Variants in AADACL4 observed in about 807,000 individuals in gnomAD.
AADACL4 encodes the protein arylacetamide deacetylase like 4.
In AADACL4, 9 loss-of-function variants were observed where a neutral mutation model predicts 14.1. The observed-to-expected ratio is 0.64, with a 90% CI of 0.39 to 1.12. The LOEUF is 1.12. AADACL4 is among the 50% of genes most tolerant of loss of function. The pLI is 0.01. For missense variants in AADACL4, 531 were observed against 516.1 expected, an observed-to-expected ratio of 1.03 and a Z score of -0.28; for synonymous variants, 188 against 201.6, an observed-to-expected ratio of 0.93 and a Z score of 0.57.
chr1:12,655,606 G>C (rs999465830), intron 2 of AADACL4, among the ~76,000 whole-genome samples: 1 of 151,856 alleles, frequency 6.6e-6, no homozygotes, highest in Non-Finnish European at 1.5e-5. Flanking sequence ...TGTTAGGCCC[G>C]TTTCACCAAC....
In AADACL4 at chr1:12,651,332, G is replaced by A; in HGVS notation, c.378G>A (p.Gly126=). Residue 126 remains glycine (G), a synonymous_variant, in exon 2 of 4, where the codon GGG becomes GGA. Coordinates refer to ENST00000376221, the MANE Select transcript of AADACL4 (RefSeq NM_001013630.2). ...IFYHGGATVF[G]SLDCYHGLCN... ...ACCATGGAGGGGCCACAGTATTTGGGAGCCTGGGTAAGGGGCTTCCCTGTG... is the reference window on the plus strand; with the variant it reads ...ACCATGGAGGGGCCACAGTATTTGGAAGCCTGGGTAAGGGGCTTCCCTGTG... The A allele has an allele frequency of 6.2e-7, 1 of 1,614,166 alleles. No individual in the cohort carries two copies.
At chr1:12,658,108 T>TTTCCTTTCTTCCTTCCTTCC (rs1647195250) in intron 2 of AADACL4, among the ~76,000 whole-genome samples, 1 of 122,010 alleles carries the variant, frequency 8.2e-6, no homozygotes, top group African/African-American at 4.0e-5. Flanking sequence ...TCTCTCTTTC[T>TTTCCTTTCTTCCTTCCTTCC]TTCCTTCCTT....
Position 12,666,810 on chromosome 1 carries a change from A to G in AADACL4, c.*75A>G. ...GAAACCGGGTGCTTTAGTGAGTTCT[A>G]TTTTATTGACTAAAGAGGTGCTACA... On this transcript the variant is annotated 3_prime_UTR_variant, in exon 4 of 4. Transcript: ENST00000376221. The G allele has an allele frequency of 1.4e-6, 2 of 1,416,938 alleles. No individual in the cohort carries two copies. The highest frequency in any genetic ancestry group is 1.9e-6 in the Non-Finnish European group (2 of 1,054,980). The allele number at this position is 1,416,938 out of a possible 1,614,324, so 87.8% of individuals were successfully genotyped here. A position where few individuals can be genotyped will look rare whatever the true frequency, so the allele number is the denominator to read the frequency against.
In AADACL4 at chr1:12,645,245, TCCTCCCTCCCTC is replaced by T. The variant is rs375922335; in HGVS notation, c.168+547_168+558del. On this transcript the variant is annotated intron_variant, in intron 1 of 3. Transcript: ENST00000376221. ...CTCCCTATCTCCTTTCTTCCTTCCC[TCCTCCCTCCCTC>T]CCTCCCTCCCTCCCTTCCTTCCTTG... Among the ~76,000 whole-genome samples the T allele has an allele frequency of 2.5e-3, 188 of 75,956 alleles. 5 individuals are homozygous for T. Among genetic ancestry groups the T allele is most frequent in the East Asian group, 0.014 (32 of 2,314 alleles). The allele number at this position is 75,956 out of a possible 152,430, so 49.8% of individuals were successfully genotyped here. A position where few individuals can be genotyped will look rare whatever the true frequency, so the allele number is the denominator to read the frequency against.
chr1:12,651,910 G>A lies in AADACL4; in HGVS notation c.385+571G>A, dbSNP rs1346127920. On this transcript the variant is annotated intron_variant, in intron 2 of 3. Coordinates refer to ENST00000376221, the MANE Select transcript of AADACL4 (RefSeq NM_001013630.2). ...GTGGCGTGATCTCGGCTCACTGCAA[G>A]CTGCGCCTCTCGGGTTCACGCCATT... Among the ~76,000 whole-genome samples the A allele has an allele frequency of 6.7e-5, 10 of 149,604 alleles. No individual in the cohort carries two copies. In the East Asian group the frequency reaches 1.6e-3, roughly 24 times the overall value.
intron 2 of AADACL4, among the ~76,000 whole-genome samples, chr1:12,655,371 G>C (rs1024935610): frequency 1.3e-5 from 2 of 152,060 alleles, no homozygotes; most frequent in African/African-American, 4.8e-5. Context: ...TGATGACCAT[G>C]ATTTTTGTGG....
intron 3 of AADACL4, among the ~76,000 whole-genome samples, chr1:12,664,192 T>C (rs1647273922): frequency 6.6e-6 from 1 of 152,184 alleles, no homozygotes; most frequent in Non-Finnish European, 1.5e-5. Flanking sequence ...GTTTATTTTA[T>C]ACAATGGGGC....
intron 2 of AADACL4, among the ~76,000 whole-genome samples, chr1:12,658,420 G>A (rs979185025): frequency 6.6e-6 from 1 of 151,964 alleles, no homozygotes; most frequent in African/African-American, 2.4e-5. Context: ...CACCACACCT[G>A]GATAATTTTT....
Position 12,666,278 on chromosome 1 carries a change from A to T in AADACL4, c.767A>T (p.Tyr256Phe). ...TTCATGGTGACTTCTCTGTGTAACT[A>T]TCTGGCCATTGACCTCTCCTGGCGT... Reference protein sequence around the residue: ...RKFMVTSLCNYLAIDLSWRDA... With the variant: ...RKFMVTSLCNFLAIDLSWRDA... The change falls in exon 4 of 4, where the codon TAT becomes TTT. Residue 256 changes from tyrosine (Y) to phenylalanine (F), a missense_variant. Tyr to Phe is a conservative substitution (Grantham distance 22, BLOSUM62 3). Coordinates refer to ENST00000376221, the MANE Select transcript of AADACL4 (RefSeq NM_001013630.2). The T allele has an allele frequency of 6.2e-7, 1 of 1,614,238 alleles. No individual in the cohort carries two copies. Among genetic ancestry groups the T allele is most frequent in the Non-Finnish European group, 8.5e-7 (1 of 1,180,044 alleles).
intron 3 of AADACL4, among the ~76,000 whole-genome samples, chr1:12,662,424 G>C (rs1647243867): frequency 6.6e-6 from 1 of 152,130 alleles, no homozygotes; most frequent in Admixed American, 6.6e-5. Context: ...TGTTGTTTGG[G>C]GTGATGGTTC....
chr1:12,654,577 A>G (rs983244558), intron 2 of AADACL4, among the ~76,000 whole-genome samples: 1 of 152,128 alleles, frequency 6.6e-6, no homozygotes, highest in African/African-American at 2.4e-5. Flanking sequence ...AGAGTGGCTC[A>G]TTTATTGGGA....
At chr1:12,651,411 C>T in intron 2 of AADACL4, 72 bp downstream of exon 2, 1 of 1,475,630 alleles carries the variant, frequency 6.8e-7, no homozygotes, top group Non-Finnish European at 9.4e-7. Flanking sequence ...ATGCCTCCCG[C>T]AAGAACCCTT....
Position 12,666,940 on chromosome 1 carries a change from C to G in AADACL4, c.*205C>G. 1 of 533,588 alleles carries G rather than the reference C, an allele frequency of 1.9e-6. No homozygotes were observed. The highest frequency in any genetic ancestry group is 3.2e-6 in the Non-Finnish European group (1 of 309,696). The allele number at this position is 533,588 out of a possible 1,614,324, so 33.1% of individuals were successfully genotyped here. ...TGTTTCCTTCCAGCACTAACAATGTCCATTGCTGGATCTAGCGACATTCTC... is the reference window on the plus strand; with the variant it reads ...TGTTTCCTTCCAGCACTAACAATGTGCATTGCTGGATCTAGCGACATTCTC... On this transcript the variant is annotated 3_prime_UTR_variant, in exon 4 of 4. Transcript: ENST00000376221.
chr1:12,651,317 G>A lies in AADACL4; in HGVS notation c.363G>A (p.Gly121=). 6.2e-7 allele frequency: 1 copy of A among 1,614,176 alleles called. No individual in the cohort carries two copies. The highest frequency in any genetic ancestry group is 8.5e-7 in the Non-Finnish European group (1 of 1,180,030). Residue 121 remains glycine (G), a synonymous_variant, in exon 2 of 4, where the codon GGG becomes GGA. Coordinates refer to ENST00000376221, the MANE Select transcript of AADACL4 (RefSeq NM_001013630.2). The part of the protein sequence containing the change: ...PRRGIIFYHG[G]ATVFGSLDCY... ...GAGGCATCATCTTCTACCATGGAGG[G>A]GCCACAGTATTTGGGAGCCTGGGTA...
chr1:12,647,108 T>G lies in AADACL4; in HGVS notation c.168+2394T>G, dbSNP rs914526582. Among the ~76,000 whole-genome samples, 393 of 151,186 alleles carry G rather than the reference T, an allele frequency of 2.6e-3. 3 individuals are homozygous for G. Among genetic ancestry groups the G allele is most frequent in the African/African-American group, 9.0e-3 (368 of 41,066 alleles). ...AGTGAGGATTTTTTTTTTTTTTTTT[T>G]TCTGAGACAGGGTCTCACTCTGTCA... On this transcript the variant is annotated intron_variant, in intron 1 of 3. Transcript: ENST00000376221.
chr1:12,664,933 A>C (rs1161128173), intron 3 of AADACL4, among the ~76,000 whole-genome samples: 1 of 152,168 alleles, frequency 6.6e-6, no homozygotes, highest in Non-Finnish European at 1.5e-5. Context: ...AAACCTCAGG[A>C]TACTGAAGAC....
rs575745701 is a variant in AADACL4 at position 12,651,008 on chromosome 1, A to G, written c.169-115A>G. ...GATTCCTGAAGAGCCCCCTGTACCTACAGGAGGCAGGTGAGAAACTGTGAA... is the reference window on the plus strand; with the variant it reads ...GATTCCTGAAGAGCCCCCTGTACCTGCAGGAGGCAGGTGAGAAACTGTGAA... On this transcript the variant is annotated intron_variant, in intron 1 of 3. Transcript: ENST00000376221. The G allele has an allele frequency of 2.2e-5, 22 of 1,013,700 alleles. No individual in the cohort carries two copies. In the East Asian group the frequency reaches 5.3e-4, roughly 25 times the overall value. 62.8% of individuals were successfully genotyped at this position (1,013,700 alleles called of 1,614,324 possible).
At chr1:12,648,510 C>T (rs1467804524) in intron 1 of AADACL4, among the ~76,000 whole-genome samples, 1 of 151,948 alleles carries the variant, frequency 6.6e-6, no homozygotes, top group Non-Finnish European at 1.5e-5. Context: ...AATTTTCCCA[C>T]CTCAGCCTCT....
chr1:12,648,402 T>C (rs1277171476), intron 1 of AADACL4, among the ~76,000 whole-genome samples: 3 of 149,146 alleles, frequency 2.0e-5, no homozygotes, highest in African/African-American at 7.6e-5. Context: ...TCTTTCCTTC[T>C]TTCCTTTTTT....
Sources: allele counts gnomAD v4.1 joint callset (sites outside exome capture counted in the v4.1 genomes callset), GRCh38; gene constraint gnomAD v4.1.1; transcripts MANE v1.5; gene names NCBI Gene and HGNC (gene_info 2026-07-23, HGNC 2026-07-21).